ZNF236: variants seen among roughly 807,000 people sequenced by gnomAD.
The protein encoded by ZNF236 is zinc finger protein 236.
In ZNF236, 50 loss-of-function variants were observed where a neutral mutation model predicts 191.2. The observed-to-expected ratio is 0.26, with a 90% confidence interval of 0.21 to 0.33. The LOEUF is 0.33. Among genes scored for constraint, ZNF236 ranks in the 10% least tolerant of loss-of-function variants. The probability of loss-of-function intolerance (pLI) is 1.00; values close to 1 mark genes in which losing one functional copy is unlikely to be tolerated. For missense variants in ZNF236, 1,754 were observed against 2,374.5 expected, an observed-to-expected ratio of 0.74 and a Z score of 5.43; for synonymous variants, 907 against 928.8, an observed-to-expected ratio of 0.98 and a Z score of 0.43.
intron 19 of ZNF236, among the ~76,000 whole-genome samples, chr18:76,918,968 G>A (rs1470151792): frequency 1.3e-5 from 2 of 152,142 alleles, no homozygotes; most frequent in East Asian, 3.8e-4. Context: ...GATACAGAGG[G>A]CCAACCACAT....
At chr18:76,961,041 A>T (rs1048079655) in intron 30 of ZNF236, among the ~76,000 whole-genome samples, 186 bp downstream of exon 30, 1 of 152,118 alleles carries the variant, frequency 6.6e-6, no homozygotes, top group Admixed American at 6.5e-5. Flanking sequence ...TGGGGAACAG[A>T]TAGTGTTTGG....
In ZNF236 at chr18:76,919,009, A is replaced by G. The variant is rs1186999390; in HGVS notation, c.3275-767A>G. On this transcript the variant is annotated intron_variant, in intron 19 of 30. Transcript: ENST00000320610. The surrounding 1 kb of genome is among the most constrained non-coding windows in gnomAD (Gnocchi z 5.3). ...TTTAAAGTTTTATTTTCTTCTTTATAGTAATTGTTTTTAGTTGGGGGCTGT... is the reference window on the plus strand; with the variant it reads ...TTTAAAGTTTTATTTTCTTCTTTATGGTAATTGTTTTTAGTTGGGGGCTGT... Among the ~76,000 whole-genome samples the G allele has an allele frequency of 6.6e-6, 1 of 152,164 alleles. No individual in the cohort carries two copies. The highest frequency in any genetic ancestry group is 1.5e-5 in the Non-Finnish European group (1 of 68,022).
rs556911219 is a variant in ZNF236 at position 76,838,331 on chromosome 18, G to C, written c.56-11195G>C. Reference sequence around the variant, plus strand: ...AGATTATGGTTAAGTAAACATTAGAGCTTTTTACTGTAGAAAATAATGCAT... The same window carrying C: ...AGATTATGGTTAAGTAAACATTAGACCTTTTTACTGTAGAAAATAATGCAT... On this transcript the variant is annotated intron_variant, in intron 1 of 30. Coordinates refer to ENST00000320610, the MANE Select transcript of ZNF236 (RefSeq NM_001306089.2). Among the ~76,000 whole-genome samples, 5 of 152,294 alleles carry C rather than the reference G, an allele frequency of 3.3e-5. No individual in the cohort carries two copies. In the East Asian group the frequency reaches 7.7e-4, roughly 23 times the overall value.
At chr18:76,926,283 G>T (rs952539147) in intron 22 of ZNF236, among the ~76,000 whole-genome samples, 3 of 152,040 alleles carry the variant, frequency 2.0e-5, no homozygotes, top group African/African-American at 7.2e-5. Flanking sequence ...ATAGTAAAAA[G>T]TAGGTTTCTG....
At chr18:76,902,491 C>G (rs1977624312) in intron 11 of ZNF236, among the ~76,000 whole-genome samples, 1 of 152,162 alleles carries the variant, frequency 6.6e-6, no homozygotes, top group Non-Finnish European at 1.5e-5. Context: ...TTTTGAGAAC[C>G]AGGCATGGCA....
At chr18:76,953,830 G>A (rs1425937547) in intron 27 of ZNF236, among the ~76,000 whole-genome samples, 9 of 152,160 alleles carry the variant, frequency 5.9e-5, no homozygotes, top group Non-Finnish European at 1.3e-4. Context: ...TGTTGGATCC[G>A]CGCCCGTTCT....
intron 1 of ZNF236, among the ~76,000 whole-genome samples, chr18:76,844,618 A>G (rs1396324805): frequency 6.6e-6 from 1 of 152,266 alleles, no homozygotes; most frequent in Non-Finnish European, 1.5e-5. Flanking sequence ...GAAATACATC[A>G]TTAAGATTTA....
chr18:76,909,942 C>G (rs1464114403), intron 14 of ZNF236, 126 bp from the exon 15 acceptor site: 6 of 637,356 alleles, frequency 9.4e-6, no homozygotes, highest in Admixed American at 2.4e-5. Flanking sequence ...AATTATCTCC[C>G]TGTTTTCTTT....
At chr18:76,904,610 A>G in intron 12 of ZNF236, 89 bp downstream of exon 12, 6 of 1,237,620 alleles carry the variant, frequency 4.8e-6, no homozygotes, top group South Asian at 2.3e-5. Context: ...GGATGGTAGC[A>G]TTAGCTTTTG....
Position 76,875,113 on chromosome 18 carries a change from G to C in ZNF236, c.668-379G>C, listed in dbSNP as rs1306425206. 6.6e-6 allele frequency among the ~76,000 whole-genome samples: 1 copy of C among 152,164 alleles called. No homozygotes were observed. On this transcript the variant is annotated intron_variant, in intron 5 of 30. Transcript: ENST00000320610. The surrounding 1 kb of genome is among the most constrained non-coding windows in gnomAD (Gnocchi z 4.3). ...GGGGAGTGCCTTACCCTGGGGTGGT[G>C]GTTGTGGACGGGAAGCAGGGCTGCT...
chr18:76,937,404 A>G, intron 26 of ZNF236, 61 bp downstream of exon 26: 1 of 1,394,118 alleles, frequency 7.2e-7, no homozygotes, highest in Non-Finnish European at 9.6e-7. Flanking sequence ...TGAAAACATT[A>G]TTCATTGACT....
At position 76,920,063 on chromosome 18, in the gene ZNF236, G is replaced by A; in HGVS notation, c.3557+5G>A. The stretch of plus-strand genomic sequence containing the variant: ...GAAACCTAGCGACCTGGTGAGGTGA[G>A]GGCATGGCTACGCCGCGCGGGTTCC... On this transcript the variant is annotated splice_donor_5th_base_variant and intron_variant, in intron 20 of 30. Transcript: ENST00000320610. 6.2e-7 allele frequency: 1 copy of A among 1,609,726 alleles called. No homozygotes were observed. The highest frequency in any genetic ancestry group is 8.5e-7 in the Non-Finnish European group (1 of 1,177,936).
chr18:76,871,921 T>C, intron 5 of ZNF236, 96 bp downstream of exon 5: 1 of 1,448,112 alleles, frequency 6.9e-7, no homozygotes, highest in Non-Finnish European at 9.5e-7. Flanking sequence ...GATCCCAGCT[T>C]TCTCATAGTT....
intron 9 of ZNF236, among the ~76,000 whole-genome samples, chr18:76,890,205 C>A (rs1977187433): frequency 6.6e-6 from 1 of 152,184 alleles, no homozygotes; most frequent in Non-Finnish European, 1.5e-5. Flanking sequence ...CATTTTACTA[C>A]ATTTGATTTC....
intron 5 of ZNF236, among the ~76,000 whole-genome samples, chr18:76,873,223 G>A (rs906620617): frequency 9.2e-5 from 14 of 152,154 alleles, no homozygotes; most frequent in Admixed American, 2.6e-4. Context: ...TCCTTCTCGT[G>A]TTCACTTCTC....
intron 3 of ZNF236, among the ~76,000 whole-genome samples, chr18:76,862,813 G>A (rs1412591380): frequency 2.0e-5 from 3 of 152,170 alleles, no homozygotes; most frequent in Non-Finnish European, 2.9e-5. Context: ...GAGCCCAAGA[G>A]CTGGTCCCAC....
intron 13 of ZNF236, among the ~76,000 whole-genome samples, chr18:76,907,567 G>T (rs945685291): frequency 6.6e-6 from 1 of 152,202 alleles, no homozygotes; most frequent in Admixed American, 6.5e-5. Context: ...GACCTCAGGT[G>T]ATCCTCCAGC....
At chr18:76,946,915 C>T (rs975439487) in intron 26 of ZNF236, among the ~76,000 whole-genome samples, 1 of 152,166 alleles carries the variant, frequency 6.6e-6, no homozygotes, top group African/African-American at 2.4e-5. Context: ...TTAAAGTATA[C>T]AATTGAATGG....
At position 76,904,669 on chromosome 18, in the gene ZNF236, AT is replaced by A. The variant is rs1977691242; in HGVS notation, c.2036+153del. 2.1e-5 allele frequency: 14 copies of A among 659,546 alleles called. No individual in the cohort carries two copies. The South Asian group carries it at 5.9e-4, about 28-fold the overall frequency. The allele number at this position is 659,546 out of a possible 1,614,324, so 40.9% of individuals were successfully genotyped here. On this transcript the variant is annotated intron_variant, in intron 12 of 30. Transcript: ENST00000320610. ...TCCAAAACATTTATTGGTAATTAAT[AT>A]TTTTATTCTTTAATGTCTTGACTAA...
Sources: gnomAD v4.1 joint callset for allele counts (sites outside exome capture counted in the v4.1 genomes callset) on GRCh38, gnomAD v4.1.1 for gene constraint, Gnocchi (gnomAD v3.1) non-coding constraint, MANE v1.5 for transcripts, NCBI Gene and HGNC (gene_info 2026-07-23, HGNC 2026-07-21) for gene names.